The following CTNNA3 variants were observed in gnomAD, a reference collection of about 807,000 sequenced individuals.
The protein encoded by CTNNA3 is catenin alpha 3, also known as catenin alpha-3.
CTNNA3 carries 76 observed loss-of-function variants against 95.7 expected under a neutral mutation model. The ratio of observed to expected loss-of-function variants is 0.79; its 90% CI spans 0.66 to 0.96. The LOEUF is 0.96. Among genes scored for constraint, CTNNA3 ranks in the 40% least tolerant of loss-of-function variants. The pLI is 0.00. For synonymous variants in CTNNA3, 431 were observed against 374.4 expected, an observed-to-expected ratio of 1.15 and a Z score of -1.74; for missense variants, 1,191 against 1,089.8, an observed-to-expected ratio of 1.09 and a Z score of -1.31.
At chr10:65,971,338 C>A (rs2078096970) in intron 16 of CTNNA3, among the ~76,000 whole-genome samples, 2 of 146,204 alleles carry the variant, frequency 1.4e-5, no homozygotes, top group Admixed American at 6.8e-5. Context: ...GAATTTGAGA[C>A]CTAAAAATTC....
At chr10:66,919,242 A>G (rs1311130704) in intron 7 of CTNNA3, among the ~76,000 whole-genome samples, 1 of 152,254 alleles carries the variant, frequency 6.6e-6, no homozygotes, top group East Asian at 1.9e-4. Context: ...TATCGACGAA[A>G]TAAAATTAGC....
intron 7 of CTNNA3, among the ~76,000 whole-genome samples, chr10:66,978,552 A>AAAATATATATATATATATATATATAT: frequency 2.6e-5 from 1 of 37,884 alleles, no homozygotes; most frequent in Non-Finnish European, 4.8e-5. Flanking sequence ...AAAAAAAAAA[A>AAAATATATATATATATATATATATAT]ATATATATAT....
At chr10:67,293,345 G>C (rs1159858981) in intron 5 of CTNNA3, among the ~76,000 whole-genome samples, 1 of 151,984 alleles carries the variant, frequency 6.6e-6, no homozygotes, top group African/African-American at 2.4e-5. Context: ...TTCTATTACA[G>C]GGCAGAATTT....
intron 5 of CTNNA3, among the ~76,000 whole-genome samples, chr10:67,336,140 C>T (rs746115152): frequency 2.6e-5 from 4 of 152,172 alleles, no homozygotes; most frequent in Non-Finnish European, 5.9e-5. Context: ...TGTGTTCTGG[C>T]TGCTCCAATA....
intron 1 of CTNNA3, among the ~76,000 whole-genome samples, chr10:67,744,566 G>A (rs1009670676): frequency 3.3e-5 from 5 of 151,064 alleles, no homozygotes; most frequent in African/African-American, 9.7e-5. Context: ...GAAAACTTAG[G>A]CAATACCATT....
chr10:67,299,058 C>A (rs1840159325), intron 5 of CTNNA3, among the ~76,000 whole-genome samples: 1 of 152,068 alleles, frequency 6.6e-6, no homozygotes, highest in Non-Finnish European at 1.5e-5. Context: ...ACCACCACAC[C>A]CAGCTAATTT....
intron 12 of CTNNA3, among the ~76,000 whole-genome samples, chr10:66,293,029 T>C (rs1411555773): frequency 6.6e-6 from 1 of 152,188 alleles, no homozygotes; most frequent in African/African-American, 2.4e-5. Context: ...ATCATTTCAA[T>C]AGATATTTAC....
intron 16 of CTNNA3, among the ~76,000 whole-genome samples, chr10:65,974,744 C>T (rs1423383301): frequency 1.3e-5 from 2 of 148,618 alleles, no homozygotes; most frequent in Non-Finnish European, 3.0e-5. Context: ...TTTTTAGATG[C>T]ATTAAAGATA....
chr10:67,203,891 T>G (rs1338989464), intron 6 of CTNNA3, among the ~76,000 whole-genome samples: 1 of 152,176 alleles, frequency 6.6e-6, no homozygotes, highest in African/African-American at 2.4e-5. Context: ...ATTAATGAGC[T>G]TGGGCTGGAA....
intron 9 of CTNNA3, among the ~76,000 whole-genome samples, chr10:66,707,656 T>C (rs1337972237): frequency 2.6e-5 from 4 of 152,042 alleles, no homozygotes; most frequent in African/African-American, 7.2e-5. Flanking sequence ...TTAATATTAA[T>C]AGAAAAGAAA....
intron 1 of CTNNA3, among the ~76,000 whole-genome samples, chr10:67,687,312 T>C (rs1409671337): frequency 1.3e-5 from 2 of 152,176 alleles, no homozygotes; most frequent in Admixed American, 6.5e-5. Context: ...AGAGAACCAT[T>C]GTACTCTGGG....
Position 66,461,285 on chromosome 10 carries a change from G to T in CTNNA3, c.1531+59332C>A, listed in dbSNP as rs147926393. Among the ~76,000 whole-genome samples, 706 of 152,170 alleles carry T rather than the reference G, an allele frequency of 4.6e-3. 5 individuals carry two copies. The highest frequency in any genetic ancestry group is 0.016 in the African/African-American group (667 of 41,530). ...TGGATAGTCAGACCATGCTAGATGA[G>T]CCCGAAAGGGAAGGGTGACTCCTCA... On this transcript the variant is annotated intron_variant, in intron 11 of 17. Coordinates refer to ENST00000433211, the MANE Select transcript of CTNNA3 (RefSeq NM_013266.4).
At chr10:67,071,209 G>T (rs1161001077) in intron 7 of CTNNA3, among the ~76,000 whole-genome samples, 1 of 151,980 alleles carries the variant, frequency 6.6e-6, no homozygotes, top group Admixed American at 6.6e-5. Flanking sequence ...CAATCACTCA[G>T]ATATTTCCAA....
intron 12 of CTNNA3, among the ~76,000 whole-genome samples, chr10:66,308,347 C>T (rs1260747381): frequency 6.6e-6 from 1 of 151,964 alleles, no homozygotes; most frequent in East Asian, 1.9e-4. Flanking sequence ...TTTTGAGATT[C>T]AATAAATTAA....
intron 3 of CTNNA3, among the ~76,000 whole-genome samples, chr10:67,584,839 G>C (rs1437537865): frequency 6.6e-6 from 1 of 152,206 alleles, no homozygotes; most frequent in South Asian, 2.1e-4. Flanking sequence ...AATGAGCGAG[G>C]CTCCATGGGC....
chr10:67,219,578 G>T, intron 6 of CTNNA3, 29 bp downstream of exon 6: 1 of 1,597,010 alleles, frequency 6.3e-7, no homozygotes, highest in Non-Finnish European at 8.6e-7. Context: ...TAGGACATCA[G>T]ATCACACTTT....
intron 11 of CTNNA3, among the ~76,000 whole-genome samples, chr10:66,503,252 T>C (rs1840339549): frequency 6.6e-6 from 1 of 152,204 alleles, no homozygotes; most frequent in Non-Finnish European, 1.5e-5. Flanking sequence ...GAGAGTTTTG[T>C]CTGTTCTACT....
At chr10:67,761,876 AAAAAAAAAAAAAAGAACAG>A (rs1841463373) in intron 1 of CTNNA3, among the ~76,000 whole-genome samples, 1 of 69,940 alleles carries the variant, frequency 1.4e-5, no homozygotes, top group Admixed American at 1.2e-4. Context: ...AGACTCCGTC[AAAAAAAAAAAAAAGAACAG>A]AAACAGGGAG....
At chr10:67,526,995 C>A (rs549201021) in intron 4 of CTNNA3, among the ~76,000 whole-genome samples, 1 of 152,154 alleles carries the variant, frequency 6.6e-6, no homozygotes. Flanking sequence ...CAGTGGCTCA[C>A]GCTGTAATCT....
Sources: gnomAD v4.1 joint callset for allele counts (sites outside exome capture counted in the v4.1 genomes callset) on GRCh38, gnomAD v4.1.1 for gene constraint, MANE v1.5 for transcripts, NCBI Gene and HGNC (gene_info 2026-07-23, HGNC 2026-07-21) for gene names.